WDR70: variants seen among roughly 807,000 people sequenced by gnomAD.
WDR70 encodes WD repeat-containing protein 70.
In WDR70, 53 loss-of-function variants were observed where a neutral mutation model predicts 88.6. The observed-to-expected ratio is 0.60, with a 90% CI of 0.48 to 0.75. The LOEUF is 0.75. Ranked by LOEUF, WDR70 falls within the 30% of genes least tolerant of loss-of-function variation. The pLI, the probability that WDR70 is intolerant of heterozygous loss-of-function variation, is 0.00. For synonymous variants in WDR70, 280 were observed against 270.0 expected, an observed-to-expected ratio of 1.04 and a Z score of -0.36; for missense variants, 610 against 823.2, an observed-to-expected ratio of 0.74 and a Z score of 3.17.
intron 3 of WDR70, among the ~76,000 whole-genome samples, chr5:37,388,959 G>C (rs111961625): frequency 0.13 from 19,332 of 151,866 alleles, 4,036 homozygotes; most frequent in African/African-American, 0.44. Flanking sequence ...TTCCTGATTA[G>C]TAATATAATT....
chr5:37,449,477 G>T (rs1006254824), intron 7 of WDR70, among the ~76,000 whole-genome samples: 1 of 151,722 alleles, frequency 6.6e-6, no homozygotes, highest in Non-Finnish European at 1.5e-5. Flanking sequence ...CTGTAATCCT[G>T]GTTACTTCAG....
At chr5:37,526,029 T>C (rs1268468126) in intron 9 of WDR70, among the ~76,000 whole-genome samples, 1 of 152,136 alleles carries the variant, frequency 6.6e-6, no homozygotes, top group Non-Finnish European at 1.5e-5. Flanking sequence ...ACCAGATGGA[T>C]TTACAGCCGA....
At chr5:37,676,809 G>T (rs1746238223) in intron 10 of WDR70, among the ~76,000 whole-genome samples, 1 of 152,178 alleles carries the variant, frequency 6.6e-6, no homozygotes, top group African/African-American at 2.4e-5. Context: ...AGAAGGAATG[G>T]TACCCGTTCC....
chr5:37,531,419 A>G (rs1741479204), intron 9 of WDR70, among the ~76,000 whole-genome samples: 1 of 151,914 alleles, frequency 6.6e-6, no homozygotes, highest in South Asian at 2.1e-4. Context: ...CTCATTTCTT[A>G]GGCCTAGTAG....
At chr5:37,447,298 G>A (rs567400103) in intron 7 of WDR70, among the ~76,000 whole-genome samples, 1 of 152,294 alleles carries the variant, frequency 6.6e-6, no homozygotes, top group East Asian at 1.9e-4. Flanking sequence ...ACTAGTGCTG[G>A]AGAGGATGTA....
intron 12 of WDR70, among the ~76,000 whole-genome samples, chr5:37,702,375 G>C (rs1006156002): frequency 1.3e-5 from 2 of 152,176 alleles, no homozygotes; most frequent in African/African-American, 4.8e-5. Flanking sequence ...GTCACAATCA[G>C]ATGGCCAGAC....
chr5:37,511,160 G>T (rs1252739494), intron 8 of WDR70, among the ~76,000 whole-genome samples: 1 of 152,040 alleles, frequency 6.6e-6, no homozygotes, highest in African/African-American at 2.4e-5. Context: ...ATTCTTTCCT[G>T]AATCAGTTAT....
At chr5:37,549,640 A>C (rs1469438482) in intron 9 of WDR70, among the ~76,000 whole-genome samples, 1 of 152,102 alleles carries the variant, frequency 6.6e-6, no homozygotes, top group African/African-American at 2.4e-5. Context: ...GGTTTCTTTT[A>C]TCTGATCACT....
intron 9 of WDR70, among the ~76,000 whole-genome samples, chr5:37,535,488 A>G (rs1049380699): frequency 1.3e-5 from 2 of 152,192 alleles, no homozygotes; most frequent in Non-Finnish European, 2.9e-5. Flanking sequence ...ATTTTAAAGT[A>G]ATGACAAGCC....
intron 10 of WDR70, among the ~76,000 whole-genome samples, chr5:37,625,085 G>A (rs749869826): frequency 6.6e-6 from 1 of 152,182 alleles, no homozygotes; most frequent in African/African-American, 2.4e-5. Context: ...AGCTTCTGGG[G>A]AGAATGGGAC....
intron 9 of WDR70, among the ~76,000 whole-genome samples, chr5:37,538,824 C>T (rs1053060048): frequency 5.9e-5 from 9 of 152,036 alleles, no homozygotes; most frequent in African/African-American, 2.2e-4. Flanking sequence ...TAATGAAAAC[C>T]AGATGATAAT....
intron 3 of WDR70, among the ~76,000 whole-genome samples, chr5:37,385,173 C>T (rs1382314812): frequency 2.0e-5 from 3 of 152,024 alleles, no homozygotes; most frequent in African/African-American, 7.2e-5. Flanking sequence ...TGCACCAACT[C>T]CCCAGCATAC....
At chr5:37,536,975 C>G (rs1408389801) in intron 9 of WDR70, among the ~76,000 whole-genome samples, 1 of 152,026 alleles carries the variant, frequency 6.6e-6, no homozygotes, top group African/African-American at 2.4e-5. Flanking sequence ...TGTCCAAGTT[C>G]CCCATTTCTC....
intron 9 of WDR70, among the ~76,000 whole-genome samples, chr5:37,595,600 A>G (rs1743678931): frequency 6.6e-6 from 1 of 152,214 alleles, no homozygotes; most frequent in South Asian, 2.1e-4. Flanking sequence ...TGGTTCTAAA[A>G]TTCATCTGGA....
At chr5:37,512,110 C>G (rs566330236) in intron 8 of WDR70, among the ~76,000 whole-genome samples, 1 of 152,318 alleles carries the variant, frequency 6.6e-6, no homozygotes, top group South Asian at 2.1e-4. Context: ...CCTTTTTCAG[C>G]TTCTGGTGAC....
intron 17 of WDR70, among the ~76,000 whole-genome samples, 188 bp from the exon 18 acceptor site, chr5:37,752,298 G>C (rs1422965397): frequency 1.3e-5 from 2 of 152,090 alleles, no homozygotes; most frequent in African/African-American, 4.8e-5. Flanking sequence ...AGAATCTTTT[G>C]CTCTTTTCCT....
chr5:37,530,076 C>T (rs144657744), intron 9 of WDR70, among the ~76,000 whole-genome samples: 40 of 152,160 alleles, frequency 2.6e-4, no homozygotes, highest in East Asian at 5.8e-4. Flanking sequence ...TCTCTTCAGA[C>T]GATCATGTGA....
At chr5:37,577,865 G>T (rs1026096608) in intron 9 of WDR70, among the ~76,000 whole-genome samples, 5 of 152,220 alleles carry the variant, frequency 3.3e-5, no homozygotes, top group African/African-American at 1.2e-4. Flanking sequence ...TGCAGCCCAG[G>T]TGATGGATAG....
At chr5:37,431,923 G>T (rs1462085105) in intron 5 of WDR70, among the ~76,000 whole-genome samples, 1 of 152,126 alleles carries the variant, frequency 6.6e-6, no homozygotes, top group African/African-American at 2.4e-5. Flanking sequence ...TCTGTTTTAT[G>T]TTTATGTCAC....
Sources: gnomAD v4.1 joint callset for allele counts (sites outside exome capture counted in the v4.1 genomes callset) on GRCh38, gnomAD v4.1.1 for gene constraint, MANE v1.5 for transcripts, NCBI Gene and HGNC (gene_info 2026-07-23, HGNC 2026-07-21) for gene names.